KDM8: variants seen among roughly 807,000 people sequenced by gnomAD.
The protein encoded by KDM8 is lysine demethylase 8.
Under a neutral mutation model 46.9 loss-of-function variants are expected in KDM8, and 35 were observed. The observed-to-expected ratio is 0.75, with a 90% CI of 0.57 to 0.99. KDM8 has a LOEUF of 0.99. Ranked by LOEUF, KDM8 falls within the 50% of genes least tolerant of loss-of-function variation. KDM8 has a pLI of 0.00. For missense variants in KDM8, 475 were observed against 537.0 expected (o/e 0.88, Z 1.14); for synonymous variants, 232 against 227.7 (o/e 1.02, Z -0.17).
chr16:27,210,232 C>T lies in KDM8; in HGVS notation c.109C>T (p.Leu37Phe). 6.2e-7 allele frequency: 1 copy of T among 1,613,280 alleles called. No homozygotes were observed. The highest frequency in any genetic ancestry group is 8.5e-7 in the Non-Finnish European group (1 of 1,180,032). ...CAGTAAAGAAGACCTGAAGTTGGAC[C>T]TCGGGGAGAAAGTGGAGAGGAGCGT... ...PHSKEDLKLD[L>F]GEKVERSVVT... The change falls in exon 2 of 8, where the codon CTC (leucine) becomes TTC (phenylalanine). Residue 37 changes from leucine (L) to phenylalanine (F), a missense_variant. Leu to Phe is a conservative substitution (Grantham distance 22, BLOSUM62 0). Transcript: ENST00000286096.
chr16:27,210,086 T>TCCCCAGGC lies in KDM8; in HGVS notation c.-31-6_-30dup. 6.3e-7 allele frequency: 1 copy of TCCCCAGGC among 1,588,546 alleles called. No individual in the cohort carries two copies. ...TGTCTAACTCTTGTTTCTCTCCACC[T>TCCCCAGGC]CCCCAGGCACGGGACTGAACCAGCT... is the stretch of plus-strand genomic sequence containing the variant. On this transcript the variant is annotated splice_region_variant and splice_polypyrimidine_tract_variant and intron_variant, in intron 1 of 7. Transcript: ENST00000286096.
At chr16:27,211,795 C>T (rs2083487312) in intron 2 of KDM8, 1 of 152,172 alleles carries the variant, frequency 6.6e-6, no homozygotes, top group African/African-American at 2.4e-5. Flanking sequence ...TCTCCTGCCT[C>T]AGTCTCCCAA....
At chr16:27,206,492 G>A (rs1052691979) in intron 1 of KDM8, among the ~76,000 whole-genome samples, 3 of 152,068 alleles carry the variant, frequency 2.0e-5, no homozygotes, top group African/African-American at 4.8e-5. Flanking sequence ...GGCTGGTCTC[G>A]AGCTCCTGAC....
At chr16:27,215,480 T>G (rs1387078252) in intron 4 of KDM8, among the ~76,000 whole-genome samples, 1 of 152,066 alleles carries the variant, frequency 6.6e-6, no homozygotes, top group Admixed American at 6.5e-5. Flanking sequence ...CTCAAGAGGC[T>G]GAGGTGGGGC....
chr16:27,213,654 C>G lies in KDM8; in HGVS notation c.568C>G (p.Pro190Ala), dbSNP rs1169881323. ...AAAAACAGTCCCCCGGCTGCACCGT[C>G]CGTCCCTCCAGCATTTCAGGGAGCA... is the stretch of plus-strand genomic sequence containing the variant. ...LEKTVPRLHR[P>A]SLQHFREQFL... The change falls in exon 3 of 8, where the codon CCG becomes GCG. Residue 190 changes from proline to alanine, a missense_variant. Transcript: ENST00000286096. 16 of 1,614,232 alleles carry G rather than the reference C, an allele frequency of 9.9e-6. No homozygotes were observed. The highest frequency in any genetic ancestry group is 1.4e-5 in the Non-Finnish European group (16 of 1,180,052).
intron 5 of KDM8, among the ~76,000 whole-genome samples, chr16:27,217,518 C>T (rs1452604126): frequency 6.6e-6 from 1 of 152,208 alleles, no homozygotes. Context: ...CCCCTCACAG[C>T]CCTGGGAGGG....
chr16:27,219,665 C>G (rs1241138683), intron 6 of KDM8, among the ~76,000 whole-genome samples: 1 of 152,210 alleles, frequency 6.6e-6, no homozygotes, highest in Admixed American at 6.5e-5. Flanking sequence ...GGGCTAAGAG[C>G]TGGGCTTCGG....
At chr16:27,213,530 C>G in intron 2 of KDM8, 55 bp from the exon 3 acceptor site, 2 of 1,585,946 alleles carry the variant, frequency 1.3e-6, no homozygotes, top group Non-Finnish European at 8.6e-7. Context: ...TGGAATACCT[C>G]AAATGTCGAC....
In KDM8 at chr16:27,220,727, G is replaced by A. The variant is rs977588781; in HGVS notation, c.1248G>A (p.Ser416=). 3.1e-6 allele frequency: 5 copies of A among 1,614,028 alleles called. No homozygotes were observed. Among genetic ancestry groups the A allele is most frequent in the Admixed American group, 3.3e-5 (2 of 60,010 alleles). ...DLSFSVSFWW[S] is the part of the protein sequence containing the mutation. ...GCTTCTCGGTCAGCTTCTGGTGGTC[G>A]TAGCCAGGATAGGAGCTGAAAGGGC... Residue 416 remains serine, a synonymous_variant, in exon 8 of 8, where the codon TCG becomes TCA. Coordinates refer to ENST00000286096, the MANE Select transcript of KDM8 (RefSeq NM_024773.3).
In KDM8 at chr16:27,221,660, G is replaced by A. The variant is rs2083630227; in HGVS notation, c.*930G>A. On this transcript the variant is annotated 3_prime_UTR_variant, in exon 8 of 8. Coordinates refer to ENST00000286096, the MANE Select transcript of KDM8 (RefSeq NM_024773.3). The stretch of plus-strand genomic sequence containing the variant: ...CAGGCTCTATGCTTTCTGTAATTGT[G>A]TCTCGTTTGTGTGCACGCAGGTTTG... The A allele has an allele frequency of 6.6e-6, 1 of 152,214 alleles. No individual in the cohort carries two copies. The allele number at this position is 152,214 out of a possible 1,614,324, so 9.4% of individuals were successfully genotyped here.
chr16:27,215,461 T>C (rs528632909), intron 4 of KDM8, among the ~76,000 whole-genome samples: 1 of 152,176 alleles, frequency 6.6e-6, no homozygotes, highest in Admixed American at 6.5e-5. Context: ...GTGCCTGTAA[T>C]CCCAGCTACT....
intron 2 of KDM8, among the ~76,000 whole-genome samples, chr16:27,210,915 A>G (rs2083476886): frequency 6.6e-6 from 1 of 152,126 alleles, no homozygotes; most frequent in South Asian, 2.1e-4. Context: ...GGTGCATGGC[A>G]CCACACCCAG....
At chr16:27,219,962 C>A (rs1031562568) in intron 6 of KDM8, among the ~76,000 whole-genome samples, 3 of 152,204 alleles carry the variant, frequency 2.0e-5, no homozygotes, top group Non-Finnish European at 2.9e-5. Flanking sequence ...CACCTATAAT[C>A]CCAGCACTTT....
Position 27,220,660 on chromosome 16 carries a change from T to A in KDM8, c.1181T>A (p.Ile394Asn). Reference protein sequence around the residue: ...CILSPGEILFIPVKYWHYVRA... With the variant: ...CILSPGEILFNPVKYWHYVRA... ...CTGTCTCCTGGAGAGATCCTGTTCA[T>A]CCCGGTGAAATACTGGCATTACGTG... Residue 394 changes from isoleucine (I) to asparagine (N), a missense_variant, in exon 8 of 8, where the codon ATC (isoleucine) becomes AAC (asparagine). Coordinates refer to ENST00000286096, the MANE Select transcript of KDM8 (RefSeq NM_024773.3). 2 of 1,614,122 alleles carry A rather than the reference T, an allele frequency of 1.2e-6. No individual in the cohort carries two copies. Among genetic ancestry groups the A allele is most frequent in the East Asian group, 4.5e-5 (2 of 44,882 alleles).
In KDM8 at chr16:27,221,050, C is replaced by T; in HGVS notation, c.*320C>T. On this transcript the variant is annotated 3_prime_UTR_variant, in exon 8 of 8. Transcript: ENST00000286096. Reference sequence around the variant, plus strand: ...ATGTTTTTGGGAAACGGGTGGGTCACACAGGCAGGGGTGAAACATGGGCTC... The same window carrying T: ...ATGTTTTTGGGAAACGGGTGGGTCATACAGGCAGGGGTGAAACATGGGCTC... The T allele has an allele frequency of 2.5e-6, 1 of 406,532 alleles. No homozygotes were observed. The highest frequency in any genetic ancestry group is 4.7e-6 in the Non-Finnish European group (1 of 213,962). 25.2% of individuals were successfully genotyped at this position (406,532 alleles called of 1,614,324 possible).
At chr16:27,206,772 A>G (rs573055767) in intron 1 of KDM8, among the ~76,000 whole-genome samples, 1 of 152,180 alleles carries the variant, frequency 6.6e-6, no homozygotes, top group Non-Finnish European at 1.5e-5. Context: ...AAAGGCAGTG[A>G]CCTGTGGCTC....
chr16:27,219,385 G>GC (rs1221019597), intron 6 of KDM8, among the ~76,000 whole-genome samples: 4 of 152,202 alleles, frequency 2.6e-5, no homozygotes, highest in African/African-American at 9.6e-5. Context: ...TGGTGTGGGT[G>GC]CCCGGTGCCT....
chr16:27,213,719 G>A lies in KDM8; in HGVS notation c.633G>A (p.Val211=). 6.2e-7 allele frequency: 1 copy of A among 1,614,184 alleles called. No homozygotes were observed. The highest frequency in any genetic ancestry group is 8.5e-7 in the Non-Finnish European group (1 of 1,180,024). ...GGAGGCCCGTGATCCTGAAAGGCGT[G>A]GCTGACCACTGGCCGTGCATGCAGA... is the stretch of plus-strand genomic sequence containing the variant. The part of the protein sequence containing the change: ...VPGRPVILKG[V]ADHWPCMQKW... The change falls in exon 3 of 8, where the codon GTG becomes GTA. Residue 211 remains valine, a synonymous_variant. Transcript: ENST00000286096.
chr16:27,203,717 C>T (rs1335034573), intron 1 of KDM8, 81 bp downstream of exon 1: 1 of 222,552 alleles, frequency 4.5e-6, no homozygotes, highest in Non-Finnish European at 9.1e-6. Flanking sequence ...ATAGACCGCG[C>T]AGGCGTCATG....
Sources: gnomAD v4.1 joint callset for allele counts (sites outside exome capture counted in the v4.1 genomes callset) on GRCh38, gnomAD v4.1.1 for gene constraint, MANE v1.5 for transcripts, NCBI Gene and HGNC (gene_info 2026-07-23, HGNC 2026-07-21) for gene names.